Variants in NEB observed in about 807,000 individuals in gnomAD.
The protein encoded by NEB is nebulin.
NEB carries 512 observed loss-of-function variants against 952.2 expected under a neutral mutation model. That is an observed-to-expected ratio of 0.54 (90% CI 0.50 to 0.58). The LOEUF (loss-of-function observed/expected upper bound fraction) is 0.58, where lower values mean the gene tolerates loss of function less well. Ranked by LOEUF, NEB falls within the 20% of genes least tolerant of loss-of-function variation. The pLI, the probability that NEB is intolerant of heterozygous loss-of-function variation, is 0.00. For missense variants in NEB, 8,428 were observed against 9,231.1 expected (o/e 0.91, Z 3.56); for synonymous variants, 2,900 against 3,149.8 (o/e 0.92, Z 2.66).
At chr2:151,617,294 T>C in intron 75 of NEB, 70 bp downstream of exon 75, 1 of 1,076,480 alleles carries the variant, frequency 9.3e-7, no homozygotes, top group African/African-American at 1.6e-5. Context: ...TCAAAACCTT[T>C]TCCTAAGGAA....
In NEB at chr2:151,627,834, A is replaced by G; in HGVS notation, c.9832T>C (p.Tyr3278His). Reference sequence around the variant, plus strand: ...TTGCGGTAACCATCTTTGTATTTGTACTGAAATAAAGGTGGTCATTTCAAA... The same window carrying G: ...TTGCGGTAACCATCTTTGTATTTGTGCTGAAATAAAGGTGGTCATTTCAAA... ...AKASRDVISDYKYKDGYRKQL... is the reference protein window; with the variant it reads ...AKASRDVISDHKYKDGYRKQL... Residue 3278 changes from tyrosine (Y) to histidine (H), a missense_variant and splice_region_variant, in exon 69 of 182, where the codon TAC becomes CAC. By Grantham distance (83) the Tyr-to-His change is moderately conservative. Around this residue, in one of 11 missense-constraint regions of NEB, gnomAD observed 1,772 missense variants for 1,960.3 expected, o/e 0.90. Coordinates refer to ENST00000397345, the MANE Select transcript of NEB (RefSeq NM_001164508.2). The G allele has an allele frequency of 5.6e-6, 9 of 1,612,862 alleles. No homozygotes were observed. The highest frequency in any genetic ancestry group is 6.8e-6 in the Non-Finnish European group (8 of 1,178,964).
intron 45 of NEB, among the ~76,000 whole-genome samples, chr2:151,663,214 T>C (rs188797999): frequency 1.3e-5 from 2 of 152,314 alleles, no homozygotes; most frequent in East Asian, 3.9e-4. Context: ...CTTTCCCTTT[T>C]ATTCCTCTAT....
chr2:151,701,558 A>G (rs2099669385), intron 13 of NEB, among the ~76,000 whole-genome samples: 1 of 151,510 alleles, frequency 6.6e-6, no homozygotes, highest in African/African-American at 2.4e-5. Context: ...TTATTGGTCT[A>G]TTCAGAGATT....
chr2:151,540,404 A>G lies in NEB; in HGVS notation c.20832T>C (p.Thr6944=). 6.3e-7 allele frequency: 1 copy of G among 1,582,754 alleles called. No individual in the cohort carries two copies. Among genetic ancestry groups the G allele is most frequent in the South Asian group, 1.2e-5 (1 of 86,528 alleles). ...TGAGGATTGGCGTATCTGGAACCGG[A>G]GTGTACTTGTCTTTCATCTTTTCAT... is the stretch of plus-strand genomic sequence containing the variant. The part of the protein sequence containing the change: ...IQYEKMKDKY[T]PVPDTPILIR... Residue 6944 remains threonine (T), a synonymous_variant, in exon 138 of 182, where the codon ACT becomes ACC. Transcript: ENST00000397345.
intron 27 of NEB, among the ~76,000 whole-genome samples, chr2:151,686,076 AAC>A (rs754546866): frequency 5.9e-5 from 9 of 152,248 alleles, no homozygotes; most frequent in Middle Eastern, 6.3e-3. Context: ...CATTGAAAAC[AAC>A]AGTTTGTCTT....
At chr2:151,515,593 C>T (rs2077296063) in intron 157 of NEB, among the ~76,000 whole-genome samples, 1 of 152,148 alleles carries the variant, frequency 6.6e-6, no homozygotes, top group African/African-American at 2.4e-5. Context: ...GTCCACTCTG[C>T]CTCCCTGCCC....
chr2:151,626,127 T>A (rs1479539229), intron 70 of NEB, among the ~76,000 whole-genome samples: 1 of 152,096 alleles, frequency 6.6e-6, no homozygotes, highest in Non-Finnish European at 1.5e-5. Context: ...TTTTTTTTTT[T>A]TTATGAGACA....
At chr2:151,499,037 T>C (rs1418658357) in intron 169 of NEB, among the ~76,000 whole-genome samples, 4 of 151,888 alleles carry the variant, frequency 2.6e-5, no homozygotes, top group Non-Finnish European at 5.9e-5. Context: ...GCAGTATAAA[T>C]GTGGATGCTT....
In NEB at chr2:151,634,027, C is replaced by T. The variant is rs2098713752; in HGVS notation, c.9103-62G>A. On this transcript the variant is annotated intron_variant, in intron 64 of 181. Coordinates refer to ENST00000397345, the MANE Select transcript of NEB (RefSeq NM_001164508.2). ...ACCCCTTAGAGGCCACAAGTCTGTG[C>T]AAAATCAACTTGCTTACATCATACT... The T allele has an allele frequency of 3.3e-6, 5 of 1,526,360 alleles. No individual in the cohort carries two copies. The South Asian group carries it at 6.2e-5, about 19-fold the overall frequency. 94.6% of individuals were successfully genotyped at this position (1,526,360 alleles called of 1,614,324 possible).
At chr2:151,686,992 A>T (rs923288767) in intron 27 of NEB, among the ~76,000 whole-genome samples, 1 of 152,170 alleles carries the variant, frequency 6.6e-6, no homozygotes. Flanking sequence ...GATCTAGACC[A>T]AACTCATTAC....
At chr2:151,647,510 C>T (rs1488146226) in intron 54 of NEB, among the ~76,000 whole-genome samples, 1 of 152,222 alleles carries the variant, frequency 6.6e-6, no homozygotes, top group Non-Finnish European at 1.5e-5. Context: ...GGTTACTCAA[C>T]AGTACAGCAA....
intron 5 of NEB, among the ~76,000 whole-genome samples, chr2:151,725,955 G>A (rs2099789306): frequency 6.6e-6 from 1 of 152,114 alleles, no homozygotes; most frequent in African/African-American, 2.4e-5. Context: ...TTCAGAAGTT[G>A]CAGCTAAACT....
rs754263826 is a variant in NEB, at chr2:151,631,226, G to T, written c.9535C>A (p.Pro3179Thr). 4.3e-6 allele frequency: 7 copies of T among 1,613,802 alleles called. 1 individual carries two copies. In the South Asian group the frequency reaches 7.7e-5, roughly 18 times the overall value. Reference sequence around the variant, plus strand: ...CTGGTAAATTTCAGCTTGTCCGGAGGCTGGCGGTAGATGTTATCACTCAGT... The same window carrying T: ...CTGGTAAATTTCAGCTTGTCCGGAGTCTGGCGGTAGATGTTATCACTCAGT... The part of the protein sequence containing the change: ...EILSDNIYRQ[P>T]PDKLKFTSVT... The change falls in exon 66 of 182, where the codon CCT becomes ACT. Residue 3179 changes from proline to threonine, a missense_variant. Transcript: ENST00000397345.
chr2:151,639,203 A>T, intron 63 of NEB, 77 bp downstream of exon 63: 2 of 1,132,100 alleles, frequency 1.8e-6, no homozygotes, highest in Non-Finnish European at 2.5e-6. Flanking sequence ...TAAAGCTGTC[A>T]TTTGGTATCA....
intron 73 of NEB, among the ~76,000 whole-genome samples, chr2:151,618,772 C>T (rs2098292875): frequency 6.6e-6 from 1 of 152,038 alleles, no homozygotes. Context: ...CTTTTTTAGC[C>T]TTGGAAAATG....
In NEB at chr2:151,568,361, G is replaced by A. The variant is rs933128761; in HGVS notation, c.17691C>T (p.Thr5897=). Residue 5897 remains threonine, a synonymous_variant, in exon 112 of 182, where the codon ACC becomes ACT. Coordinates refer to ENST00000397345, the MANE Select transcript of NEB (RefSeq NM_001164508.2). Reference sequence around the variant, plus strand: ...CCTCCTGGGCAGTGTGCAGCAGGGGGGTTTCTGTGAGGGTGTACTTTGATT... The same window carrying A: ...CCTCCTGGGCAGTGTGCAGCAGGGGAGTTTCTGTGAGGGTGTACTTTGATT... ...ATKSKYTLTE[T]PLLHTAQEAA... 1.2e-6 allele frequency: 2 copies of A among 1,613,632 alleles called. No homozygotes were observed. Among genetic ancestry groups the A allele is most frequent in the Admixed American group, 1.7e-5 (1 of 59,996 alleles).
At position 151,485,940 on chromosome 2, in the gene NEB, G is replaced by A. The variant is rs372113031; in HGVS notation, c.25405-7C>T. 350 of 1,613,080 alleles carry A rather than the reference G, an allele frequency of 2.2e-4. 1 individual carries two copies. The highest frequency in any genetic ancestry group is 2.9e-4 in the Non-Finnish European group (337 of 1,179,440). On this transcript the variant is annotated splice_polypyrimidine_tract_variant and splice_region_variant and intron_variant, in intron 181 of 181. Transcript: ENST00000397345. ...ACATGGCACGGAAGATTTTCTATTC[G>A]TGGGGATGGAAAAGGGGAAATATTA... is the stretch of plus-strand genomic sequence containing the variant.
rs899273270 is a variant in NEB, at chr2:151,525,897, C to A, written c.22161+61G>T. On this transcript the variant is annotated intron_variant, in intron 150 of 181. Transcript: ENST00000397345. ...AAGCAAAAGGCAACTGACATTATTT[C>A]ACCAGATTCTACAGTCAAGTGGCAT... The A allele has an allele frequency of 2.5e-5, 32 of 1,297,032 alleles. 1 individual carries two copies. The Admixed American group carries it at 5.4e-4, about 22-fold the overall frequency. The allele number at this position is 1,297,032 out of a possible 1,614,324, so 80.3% of individuals were successfully genotyped here. A position where few individuals can be genotyped will look rare whatever the true frequency, so the allele number is the denominator to read the frequency against.
At chr2:151,660,041 T>A (rs2099129433) in intron 46 of NEB, among the ~76,000 whole-genome samples, 1 of 152,180 alleles carries the variant, frequency 6.6e-6, no homozygotes, top group South Asian at 2.1e-4. Flanking sequence ...ATTCCCCAAC[T>A]TTTGGCAAAT....
Sources: gnomAD v4.1 joint callset for allele counts (sites outside exome capture counted in the v4.1 genomes callset) on GRCh38, gnomAD v4.1.1 for gene constraint, gnomAD v4.1.1 regional missense constraint, MANE v1.5 for transcripts, NCBI Gene and HGNC (gene_info 2026-07-23, HGNC 2026-07-21) for gene names.